Variants in PCDHGC5 observed in about 807,000 individuals in gnomAD.
The protein encoded by PCDHGC5 is protocadherin gamma-C5.
Under a neutral mutation model 59.0 loss-of-function variants are expected in PCDHGC5, and 25 were observed. The ratio of observed to expected loss-of-function variants is 0.42; its 90% confidence interval spans 0.31 to 0.59. The LOEUF (loss-of-function observed/expected upper bound fraction) is 0.59, where lower values mean the gene tolerates loss of function less well. PCDHGC5 is among the 20% of genes least tolerant of loss of function. The pLI is 0.13. For missense variants in PCDHGC5, 1,067 were observed against 1,206.4 expected, an observed-to-expected ratio of 0.88 and a Z score of 1.71; for synonymous variants, 434 against 505.5, an observed-to-expected ratio of 0.86 and a Z score of 1.90.
chr5:141,504,645 T>C (rs1481469819), intron 2 of PCDHGC5, among the ~76,000 whole-genome samples: 2 of 112,538 alleles, frequency 1.8e-5, no homozygotes, highest in Non-Finnish European at 3.4e-5. Context: ...GGTTTGATGA[T>C]AGAGTGTTTG....
rs1012728568 is a variant in PCDHGC5 at position 141,495,487 on chromosome 5, T to C, written c.2519+622T>C. Among the ~76,000 whole-genome samples, 22 of 152,328 alleles carry C rather than the reference T, an allele frequency of 1.4e-4. 1 individual carries two copies. The East Asian group carries it at 4.1e-3, about 28-fold the overall frequency. ...GGGGTCTCCGTGTCTCTGCCCCTTT[T>C]TCTTGAGTTTCCGTCTTTGCCACTT... On this transcript the variant is annotated intron_variant, in intron 2 of 3. Coordinates refer to ENST00000252087, the MANE Select transcript of PCDHGC5 (RefSeq NM_018929.3).
At chr5:141,499,689 CT>C (rs545067566) in intron 2 of PCDHGC5, among the ~76,000 whole-genome samples, 4,434 of 119,828 alleles carry the variant, frequency 0.037, 46 homozygotes, top group African/African-American at 0.083. Context: ...TAACAGATGA[CT>C]TTTTTTTTTT....
In PCDHGC5 at chr5:141,490,084, G is replaced by A. The variant is rs772917260; in HGVS notation, c.844G>A (p.Gly282Arg). The A allele has an allele frequency of 4.3e-6, 7 of 1,614,104 alleles. No individual in the cohort carries two copies. ...CAACGGCCAACTAGACTATTCTTTT[G>A]GAGACCACACATCTGAGGCAGTGCG... ...GTNGQLDYSF[G>R]DHTSEAVRNL... The change falls in exon 1 of 4, where the codon GGA (glycine) becomes AGA (arginine). Residue 282 changes from glycine (G) to arginine (R), a missense_variant. By Grantham distance (125) the Gly-to-Arg change is moderately radical. Transcript: ENST00000252087. The surrounding 1 kb of genome is among the most constrained non-coding windows in gnomAD (Gnocchi z 5.4).
intron 2 of PCDHGC5, among the ~76,000 whole-genome samples, chr5:141,498,024 A>G (rs1455238086): frequency 6.6e-6 from 1 of 152,200 alleles, no homozygotes; most frequent in East Asian, 1.9e-4. Flanking sequence ...GGAGACAAAT[A>G]TTGACCAAAT....
chr5:141,491,152 G>A lies in PCDHGC5; in HGVS notation c.1912G>A (p.Asp638Asn). 1 of 1,614,168 alleles carries A rather than the reference G, an allele frequency of 6.2e-7. No homozygotes were observed. The highest frequency in any genetic ancestry group is 8.5e-7 in the Non-Finnish European group (1 of 1,179,990). Residue 638 changes from aspartate to asparagine, a missense_variant, in exon 1 of 4, where the codon GAC becomes AAC. Asp to Asn is a conservative substitution (Grantham distance 23). Transcript: ENST00000252087. The surrounding 1 kb of genome is among the most constrained non-coding windows in gnomAD (Gnocchi z 6.9). Reference protein sequence around the residue: ...VRTARALLEDDSDTQQVVVLV... With the variant: ...VRTARALLEDNSDTQQVVVLV... ...CACAGCCCGGGCCTTACTGGAGGAT[G>A]ACTCTGACACCCAGCAGGTGGTGGT...
rs577239742 is a variant in PCDHGC5 at position 141,501,564 on chromosome 5, T to C, written c.2520-3829T>C. ...CATAAGATCATAGGCCCTGGAATCA[T>C]ATTAGGCTGGCTTTCAGGTTGCAAC... On this transcript the variant is annotated intron_variant, in intron 2 of 3. Coordinates refer to ENST00000252087, the MANE Select transcript of PCDHGC5 (RefSeq NM_018929.3). 5.9e-5 allele frequency among the ~76,000 whole-genome samples: 9 copies of C among 152,194 alleles called. No individual in the cohort carries two copies. The South Asian group carries it at 1.7e-3, about 28-fold the overall frequency.
Position 141,489,351 on chromosome 5 carries a change from G to A in PCDHGC5, c.111G>A (p.Glu37=), listed in dbSNP as rs2099685862. ...VSGQLRYSVV[E]ESEPGTLVGN... ...GGCAGCTTCGTTACTCAGTGGTGGAGGAGTCTGAGCCGGGGACGCTGGTGG... is the reference window on the plus strand; with the variant it reads ...GGCAGCTTCGTTACTCAGTGGTGGAAGAGTCTGAGCCGGGGACGCTGGTGG... The change falls in exon 1 of 4, where the codon GAG becomes GAA. Residue 37 remains glutamate (E), a synonymous_variant. Transcript: ENST00000252087. This position sits in a 1 kb window ranked among gnomAD's most constrained non-coding sequence, Gnocchi z 4.5. The A allele has an allele frequency of 6.2e-7, 1 of 1,612,202 alleles. No individual in the cohort carries two copies. The highest frequency in any genetic ancestry group is 1.3e-5 in the African/African-American group (1 of 75,006).
chr5:141,509,435 T>C (rs547082417), intron 3 of PCDHGC5, among the ~76,000 whole-genome samples: 1 of 152,214 alleles, frequency 6.6e-6, no homozygotes, highest in South Asian at 2.1e-4. Context: ...AAACTCTTGT[T>C]TCCTCCTCTC....
Position 141,490,709 on chromosome 5 carries a change from C to T in PCDHGC5, c.1469C>T (p.Thr490Ile). ...GACACTGGGGATAATGCCCGCCTCA[C>T]CTACTCCATTGTAGGAAATCAGGTT... ...DPDTGDNARL[T>I]YSIVGNQVQG... The change falls in exon 1 of 4, where the codon ACC (threonine) becomes ATC (isoleucine). Residue 490 changes from threonine to isoleucine, a missense_variant. Transcript: ENST00000252087. This position sits in a 1 kb window ranked among gnomAD's most constrained non-coding sequence, Gnocchi z 5.4. The T allele has an allele frequency of 1.9e-6, 3 of 1,614,218 alleles. No homozygotes were observed. Among genetic ancestry groups the T allele is most frequent in the Non-Finnish European group, 2.5e-6 (3 of 1,180,038 alleles).
At chr5:141,501,366 T>G (rs1297210978) in intron 2 of PCDHGC5, among the ~76,000 whole-genome samples, 1 of 150,672 alleles carries the variant, frequency 6.6e-6, no homozygotes, top group Non-Finnish European at 1.5e-5. Flanking sequence ...ACCATATTCA[T>G]CATCTCTTAA....
At position 141,511,424 on chromosome 5, in the gene PCDHGC5, G is replaced by A. The variant is rs939906846; in HGVS notation, c.*251G>A. 10 of 810,392 alleles carry A rather than the reference G, an allele frequency of 1.2e-5. No homozygotes were observed. Among genetic ancestry groups the A allele is most frequent in the East Asian group, 3.0e-5 (1 of 33,800 alleles). The allele number at this position is 810,392 out of a possible 1,614,324, so 50.2% of individuals were successfully genotyped here. On this transcript the variant is annotated 3_prime_UTR_variant, in exon 4 of 4. Transcript: ENST00000252087. The stretch of plus-strand genomic sequence containing the variant: ...ATCAACTGCTGTACCCATGGGGGTA[G>A]TGGGGTTACTGTAGACACCAAGAAC...
intron 2 of PCDHGC5, among the ~76,000 whole-genome samples, chr5:141,498,309 G>A (rs2099783046): frequency 6.6e-6 from 1 of 151,844 alleles, no homozygotes; most frequent in Non-Finnish European, 1.5e-5. Flanking sequence ...GGGTCACACT[G>A]CCTACACAGA....
Position 141,490,004 on chromosome 5 carries a change from C to T in PCDHGC5, c.764C>T (p.Ala255Val). Residue 255 changes from alanine (A) to valine (V), a missense_variant, in exon 1 of 4, where the codon GCA becomes GTA. Coordinates refer to ENST00000252087, the MANE Select transcript of PCDHGC5 (RefSeq NM_018929.3). This position sits in a 1 kb window ranked among gnomAD's most constrained non-coding sequence, Gnocchi z 5.4. ...SVLRVGIPEN[A>V]PIGTLLLRLN... ...CTACGTGTGGGAATCCCAGAGAATG[C>T]ACCCATTGGTACTCTGCTGCTCCGC... The T allele has an allele frequency of 1.9e-6, 3 of 1,614,174 alleles. No individual in the cohort carries two copies. Among genetic ancestry groups the T allele is most frequent in the Non-Finnish European group, 2.5e-6 (3 of 1,179,980 alleles).
chr5:141,509,575 T>C (rs186302231), intron 3 of PCDHGC5, among the ~76,000 whole-genome samples: 153 of 152,320 alleles, frequency 1.0e-3, no homozygotes, highest in African/African-American at 3.7e-3. Flanking sequence ...TCACAGTGCG[T>C]ACAAATCAGC....
At chr5:141,506,444 CAAAAAAAA>C (rs1219684339) in intron 3 of PCDHGC5, among the ~76,000 whole-genome samples, 24 of 95,024 alleles carry the variant, frequency 2.5e-4, no homozygotes, top group African/African-American at 9.5e-4. Flanking sequence ...CGCTCTGTCT[CAAAAAAAA>C]AAAAAAAAAA....
chr5:141,489,151 A>G lies in PCDHGC5; in HGVS notation c.-90A>G. On this transcript the variant is annotated 5_prime_UTR_variant, in exon 1 of 4. The change creates a new upstream start codon in the 5' untranslated region. Transcript: ENST00000252087. This position sits in a 1 kb window ranked among gnomAD's most constrained non-coding sequence, Gnocchi z 4.5. ...TTTTTAAGAGGCTGGAAGGAGACAT[A>G]AGAGACTTCAGCTGCTGCATTCCAA... is the stretch of plus-strand genomic sequence containing the variant. The G allele has an allele frequency of 4.3e-6, 4 of 932,968 alleles. No individual in the cohort carries two copies. Among genetic ancestry groups the G allele is most frequent in the Non-Finnish European group, 6.4e-6 (4 of 622,052 alleles). 57.8% of individuals were successfully genotyped at this position (932,968 alleles called of 1,614,324 possible).
rs958652662 is a variant in PCDHGC5, at chr5:141,494,839, T to C, written c.2493T>C (p.Ser831=). 6.2e-7 allele frequency: 1 copy of C among 1,614,106 alleles called. No individual in the cohort carries two copies. Among genetic ancestry groups the C allele is most frequent in the Non-Finnish European group, 8.5e-7 (1 of 1,180,016 alleles). ...QAPPNTDWRF[S]QAQRPGTSGS... ...CGCCCAACACGGACTGGCGTTTCTC[T>C]CAGGCCCAGAGACCCGGCACCAGCG... The change falls in exon 2 of 4, where the codon TCT becomes TCC. Residue 831 remains serine (S), a synonymous_variant. Coordinates refer to ENST00000252087, the MANE Select transcript of PCDHGC5 (RefSeq NM_018929.3).
At chr5:141,508,718 G>T (rs2099871076) in intron 3 of PCDHGC5, among the ~76,000 whole-genome samples, 1 of 151,852 alleles carries the variant, frequency 6.6e-6, no homozygotes, top group Non-Finnish European at 1.5e-5. Flanking sequence ...TTTTCTGTGT[G>T]CAGGGAGACT....
chr5:141,501,945 T>G (rs1318749969), intron 2 of PCDHGC5, among the ~76,000 whole-genome samples: 5 of 152,106 alleles, frequency 3.3e-5, no homozygotes, highest in African/African-American at 1.2e-4. Context: ...CACTGCTCCC[T>G]GTGACAGGTC....
Sources: allele counts gnomAD v4.1 joint callset (sites outside exome capture counted in the v4.1 genomes callset), GRCh38; gene constraint gnomAD v4.1.1; non-coding constraint Gnocchi (gnomAD v3.1); transcripts MANE v1.5; gene names NCBI Gene and HGNC (gene_info 2026-07-23, HGNC 2026-07-21).